BICD1: variants seen among roughly 807,000 people sequenced by gnomAD.
The protein encoded by BICD1 is protein bicaudal D homolog 1.
BICD1 carries 35 observed loss-of-function variants against 92.5 expected under a neutral mutation model. The ratio of observed to expected loss-of-function variants is 0.38; its 90% confidence interval spans 0.29 to 0.50. The LOEUF is 0.50. Among genes scored for constraint, BICD1 ranks in the 20% least tolerant of loss-of-function variants. BICD1 has a pLI of 0.93. For missense variants in BICD1, 950 were observed against 1,189.8 expected (o/e 0.80, Z 2.97); for synonymous variants, 429 against 465.1 (o/e 0.92, Z 1.00).
At chr12:32,318,768 C>T (rs919256879) in intron 4 of BICD1, among the ~76,000 whole-genome samples, 5 of 152,116 alleles carry the variant, frequency 3.3e-5, no homozygotes, top group Non-Finnish European at 5.9e-5. Flanking sequence ...GCAGGAGAAT[C>T]GCTTGATCCT....
chr12:32,187,603 C>G (rs1000392236), intron 1 of BICD1, among the ~76,000 whole-genome samples: 26 of 151,892 alleles, frequency 1.7e-4, no homozygotes, highest in African/African-American at 6.3e-4. Flanking sequence ...ACCTGGGAGG[C>G]GGAGGTTGCA....
chr12:32,356,638 A>C (rs1433563246), intron 8 of BICD1, among the ~76,000 whole-genome samples: 2 of 152,176 alleles, frequency 1.3e-5, no homozygotes, highest in Non-Finnish European at 2.9e-5. Flanking sequence ...ATCTCAAAAA[A>C]AAAAGAAAGA....
At chr12:32,326,059 G>GAA (rs1948770503) in intron 4 of BICD1, among the ~76,000 whole-genome samples, 1 of 37,338 alleles carries the variant, frequency 2.7e-5, no homozygotes, top group Non-Finnish European at 5.9e-5. Context: ...CTCCAGCCTG[G>GAA]GAGAGAGTGA....
intron 1 of BICD1, among the ~76,000 whole-genome samples, chr12:32,166,197 G>A (rs1233426078): frequency 6.6e-6 from 1 of 151,504 alleles, no homozygotes; most frequent in Non-Finnish European, 1.5e-5. Flanking sequence ...GTGCAGTGGC[G>A]CAATCTCGGC....
At chr12:32,204,346 C>CA (rs35842294) in intron 1 of BICD1, among the ~76,000 whole-genome samples, 94,100 of 131,874 alleles carry the variant, frequency 0.71, 32,416 homozygotes, top group Middle Eastern at 0.8. Context: ...GAGACCCTGT[C>CA]AAAAAAAAAA....
intron 9 of BICD1, 123 bp downstream of exon 9, chr12:32,367,868 T>A: frequency 1.1e-6 from 1 of 877,864 alleles, no homozygotes; most frequent in Non-Finnish European, 1.8e-6. Flanking sequence ...ATTTCAAGTG[T>A]GGGCTACATA....
chr12:32,239,162 G>A (rs1490408119), intron 2 of BICD1, among the ~76,000 whole-genome samples: 2 of 149,180 alleles, frequency 1.3e-5, no homozygotes, highest in African/African-American at 4.9e-5. Flanking sequence ...CAGGAGAATG[G>A]CGTGAACCTG....
At chr12:32,323,059 T>G (rs1003518851) in intron 4 of BICD1, among the ~76,000 whole-genome samples, 3 of 152,226 alleles carry the variant, frequency 2.0e-5, no homozygotes, top group African/African-American at 7.2e-5. Context: ...ATAGAGATTT[T>G]CCATCTCCTT....
chr12:32,294,043 G>T lies in BICD1; in HGVS notation c.476G>T (p.Arg159Leu), dbSNP rs968259805. ...LQRIRMKDEI[R>L]EYKFREARLL... Reference sequence around the variant, plus strand: ...AGAATACGGATGAAGGATGAAATCCGAGAATATAAGTTCCGGGAGGCACGG... The same window carrying T: ...AGAATACGGATGAAGGATGAAATCCTAGAATATAAGTTCCGGGAGGCACGG... Residue 159 changes from arginine (R) to leucine (L), a missense_variant, in exon 3 of 10, where the codon CGA becomes CTA. Physicochemically the swap from Arg to Leu is moderately radical, Grantham distance 102. This residue lies in a region of BICD1 where 202 missense variants were observed against 205.3 expected (regional missense o/e 0.98). Transcript: ENST00000652176. 1.1e-5 allele frequency: 17 copies of T among 1,612,762 alleles called. No individual in the cohort carries two copies. Among genetic ancestry groups the T allele is most frequent in the Non-Finnish European group, 1.4e-5 (17 of 1,179,726 alleles).
intron 1 of BICD1, 81 bp downstream of exon 1, chr12:32,107,625 T>C: frequency 1.4e-6 from 2 of 1,416,516 alleles, no homozygotes; most frequent in Non-Finnish European, 9.7e-7. Context: ...CAAGAAGTCA[T>C]AAAGGAGGTG....
chr12:32,113,459 G>A (rs191531424), intron 1 of BICD1, among the ~76,000 whole-genome samples: 1 of 152,130 alleles, frequency 6.6e-6, no homozygotes. Flanking sequence ...ACAGCTCACC[G>A]CAACCTTAAC....
At chr12:32,322,909 T>A (rs1006869283) in intron 4 of BICD1, among the ~76,000 whole-genome samples, 3 of 152,208 alleles carry the variant, frequency 2.0e-5, no homozygotes, top group Non-Finnish European at 4.4e-5. Flanking sequence ...AAGGGCGTTT[T>A]GGAAACAGCC....
chr12:32,148,670 C>T (rs1943190168), intron 1 of BICD1, among the ~76,000 whole-genome samples: 1 of 152,124 alleles, frequency 6.6e-6, no homozygotes, highest in Admixed American at 6.6e-5. Context: ...CCTGTATGAC[C>T]ATGCAGCTTT....
intron 1 of BICD1, among the ~76,000 whole-genome samples, chr12:32,202,274 A>G (rs1944926852): frequency 6.6e-6 from 1 of 152,238 alleles, no homozygotes; most frequent in African/African-American, 2.4e-5. Context: ...CTGGTGAGTA[A>G]GAACAAGTGT....
intron 8 of BICD1, among the ~76,000 whole-genome samples, chr12:32,345,921 G>A (rs7956802): frequency 0.54 from 82,189 of 151,656 alleles, 23,185 homozygotes; most frequent in African/African-American, 0.72. Context: ...AGGCCAAAAT[G>A]AAGGATCACT....
intron 8 of BICD1, among the ~76,000 whole-genome samples, chr12:32,364,286 A>G (rs11051955): frequency 0.037 from 5,629 of 152,112 alleles, 318 homozygotes; most frequent in East Asian, 0.28. Flanking sequence ...ATTCCCCCCA[A>G]AGCAACGAGA....
chr12:32,228,376 C>G (rs1206127727), intron 2 of BICD1, among the ~76,000 whole-genome samples: 7 of 152,026 alleles, frequency 4.6e-5, no homozygotes, highest in Admixed American at 3.9e-4. Flanking sequence ...GTATTCTGCT[C>G]TATTGATCTG....
At chr12:32,134,348 T>C (rs1247623828) in intron 1 of BICD1, among the ~76,000 whole-genome samples, 5 of 152,198 alleles carry the variant, frequency 3.3e-5, no homozygotes, top group South Asian at 4.1e-4. Flanking sequence ...AAAGCTGATA[T>C]GATCTTTGTA....
chr12:32,163,952 A>G (rs143011112), intron 1 of BICD1, among the ~76,000 whole-genome samples: 1 of 152,312 alleles, frequency 6.6e-6, no homozygotes, highest in African/African-American at 2.4e-5. Flanking sequence ...AAAATTAAAA[A>G]CTATCAAATT....
Sources: gnomAD v4.1 joint callset for allele counts (sites outside exome capture counted in the v4.1 genomes callset) on GRCh38, gnomAD v4.1.1 for gene constraint, gnomAD v4.1.1 regional missense constraint, MANE v1.5 for transcripts, NCBI Gene and HGNC (gene_info 2026-07-23, HGNC 2026-07-21) for gene names.